Variants in CENPF observed in about 807,000 individuals in gnomAD.
The protein encoded by CENPF is AH antigen.
Under a neutral mutation model 307.3 loss-of-function variants are expected in CENPF, and 214 were observed. That is an observed-to-expected ratio of 0.70 (90% CI 0.62 to 0.78). CENPF has a LOEUF of 0.78. Ranked by LOEUF, CENPF falls within the 30% of genes least tolerant of loss-of-function variation. CENPF has a pLI of 0.00. For missense variants in CENPF, 3,401 were observed against 3,483.9 expected (o/e 0.98, Z 0.60); for synonymous variants, 1,259 against 1,270.6 (o/e 0.99, Z 0.19).
At chr1:214,611,006 T>C (rs1657185220) in intron 1 of CENPF, among the ~76,000 whole-genome samples, 1 of 152,254 alleles carries the variant, frequency 6.6e-6, no homozygotes, top group African/African-American at 2.4e-5. Context: ...TGCGGCTTAT[T>C]TCTGGGCTCT....
intron 1 of CENPF, among the ~76,000 whole-genome samples, chr1:214,608,027 G>C (rs1055323143): frequency 6.6e-6 from 1 of 152,178 alleles, no homozygotes; most frequent in African/African-American, 2.4e-5. Context: ...TGGCATCCAC[G>C]CCCCTGTGAC....
intron 5 of CENPF, 29 bp from the exon 6 acceptor site, chr1:214,620,626 A>C: frequency 1.3e-6 from 2 of 1,571,172 alleles, no homozygotes; most frequent in Non-Finnish European, 1.7e-6. Context: ...AGATCTTTAA[A>C]GGCCTCTAAA....
chr1:214,640,915 CA>C lies in CENPF; in HGVS notation c.2580del (p.Gly861GlufsTer3). Reference protein sequence around the residue: ...QKQCEELVQIKGEIEENLMKA... With the variant: ...QKQCEELVQIXGEIEENLMKA... ...AGCAGTGTGAAGAGTTGGTGCAAAT[CA>C]AAGGAGAAATAGAAGAAAATCTCAT... On this transcript the variant is annotated frameshift_variant, in exon 12 of 20. Transcript: ENST00000366955. LOFTEE classifies it high-confidence loss of function. 6.2e-7 allele frequency: 1 copy of C among 1,607,808 alleles called. No individual in the cohort carries two copies. The highest frequency in any genetic ancestry group is 2.2e-5 in the East Asian group (1 of 44,826).
At chr1:214,638,364 ACTCATTACCATTT>A (rs1477426157) in intron 11 of CENPF, among the ~76,000 whole-genome samples, 1 of 152,072 alleles carries the variant, frequency 6.6e-6, no homozygotes, top group Non-Finnish European at 1.5e-5. Flanking sequence ...TCATCTCCTG[ACTCATTACCATTT>A]CCCTTATAAT....
intron 13 of CENPF, among the ~76,000 whole-genome samples, chr1:214,648,327 G>C (rs1217085295): frequency 6.6e-6 from 1 of 152,082 alleles, no homozygotes; most frequent in African/African-American, 2.4e-5. Context: ...GATTAGTAGA[G>C]ATCCAAGAAG....
At chr1:214,617,900 C>A (rs1487199665) in intron 3 of CENPF, among the ~76,000 whole-genome samples, 1 of 152,156 alleles carries the variant, frequency 6.6e-6, no homozygotes, top group Non-Finnish European at 1.5e-5. Context: ...TCTTTGCTGT[C>A]TGTATTAGTC....
At chr1:214,651,418 A>G (rs963094290) in intron 14 of CENPF, among the ~76,000 whole-genome samples, 3 of 152,182 alleles carry the variant, frequency 2.0e-5, no homozygotes, top group African/African-American at 7.2e-5. Context: ...GGTTGGAAGC[A>G]TAGGAAGGTG....
chr1:214,660,379 C>T (rs73083621), intron 19 of CENPF, among the ~76,000 whole-genome samples: 13,325 of 152,214 alleles, frequency 0.088, 613 homozygotes, highest in South Asian at 0.13. Flanking sequence ...TACTCACATT[C>T]GGATTTAACT....
In CENPF at chr1:214,643,205, A is replaced by G; in HGVS notation, c.4867A>G (p.Lys1623Glu). ...AAGCGTGACTCTGGAGATGGAGTCC[A>G]AGTTGGCGGCAGAAAAGAAACAGAC... is the stretch of plus-strand genomic sequence containing the variant. ...LTSVTLEMES[K>E]LAAEKKQTEQ... is the part of the protein sequence containing the mutation. Residue 1623 changes from lysine to glutamate, a missense_variant, in exon 12 of 20, where the codon AAG becomes GAG. Transcript: ENST00000366955. 1 of 1,603,706 alleles carries G rather than the reference A, an allele frequency of 6.2e-7. No individual in the cohort carries two copies. Among genetic ancestry groups the G allele is most frequent in the Non-Finnish European group, 8.5e-7 (1 of 1,176,930 alleles).
Position 214,640,670 on chromosome 1 carries a change from G to T in CENPF, c.2332G>T (p.Glu778Ter). The T allele has an allele frequency of 6.2e-7, 1 of 1,614,082 alleles. No individual in the cohort carries two copies. Among genetic ancestry groups the T allele is most frequent in the Non-Finnish European group, 8.5e-7 (1 of 1,180,002 alleles). ...CAAAGATGCTTCTCTGGTGACAAATGAAGATCATCAGAGAAGTCTTTTGGC... is the reference window on the plus strand; with the variant it reads ...CAAAGATGCTTCTCTGGTGACAAATTAAGATCATCAGAGAAGTCTTTTGGC... Reference protein sequence around the residue: ...KSKDASLVTNEDHQRSLLAFD... With the variant: ...KSKDASLVTN The change falls in exon 12 of 20, where the codon GAA becomes TAA. Residue 778 changes from glutamate to a stop codon, truncating the protein, a stop_gained. Transcript: ENST00000366955. LOFTEE classifies it high-confidence loss of function.
chr1:214,663,588 C>T lies in CENPF; in HGVS notation c.9142-3C>T. ...ACCTCTAACAGAGATGTTTGTGTTGCAGGTCAAAGTTGCTCAGCGGAGCCC... is the reference window on the plus strand; with the variant it reads ...ACCTCTAACAGAGATGTTTGTGTTGTAGGTCAAAGTTGCTCAGCGGAGCCC... On this transcript the variant is annotated splice_region_variant and splice_polypyrimidine_tract_variant and intron_variant, in intron 19 of 19. Transcript: ENST00000366955. The T allele has an allele frequency of 6.2e-7, 1 of 1,613,824 alleles. No individual in the cohort carries two copies. Among genetic ancestry groups the T allele is most frequent in the South Asian group, 1.1e-5 (1 of 91,022 alleles).
intron 10 of CENPF, 26 bp downstream of exon 10, chr1:214,632,628 C>G (rs1558178855): frequency 1.2e-6 from 2 of 1,610,912 alleles, no homozygotes; most frequent in Non-Finnish European, 1.7e-6. Context: ...GCCGAATTTT[C>G]TCCACTTATG....
intron 12 of CENPF, among the ~76,000 whole-genome samples, chr1:214,643,541 C>T (rs1001899025): frequency 4.6e-5 from 7 of 152,074 alleles, no homozygotes; most frequent in Non-Finnish European, 5.9e-5. Context: ...ATTAGATTTA[C>T]ATAGCATTAT....
chr1:214,610,962 G>T (rs1230087359), intron 1 of CENPF, among the ~76,000 whole-genome samples: 3 of 152,088 alleles, frequency 2.0e-5, no homozygotes, highest in African/African-American at 7.2e-5. Context: ...GTTTGTTTTT[G>T]TCAGCTTTGT....
rs541530734 is a variant in CENPF at position 214,656,826 on chromosome 1, A to G, written c.8486-107A>G. 27 of 806,572 alleles carry G rather than the reference A, an allele frequency of 3.3e-5. No individual in the cohort carries two copies. In the African/African-American group the frequency reaches 4.6e-4, roughly 14 times the overall value. The allele number at this position is 806,572 out of a possible 1,614,324, so 50.0% of individuals were successfully genotyped here. A position where few individuals can be genotyped will look rare whatever the true frequency, so the allele number is the denominator to read the frequency against. On this transcript the variant is annotated intron_variant, in intron 17 of 19. Coordinates refer to ENST00000366955, the MANE Select transcript of CENPF (RefSeq NM_016343.4). ...AGATATATCTCCCCAACCTCTTAAA[A>G]AAAAAAATCAAAGAAAGAACACGTC...
Position 214,664,032 on chromosome 1 carries a change from CT to C in CENPF, c.*239del. 6.8e-6 allele frequency: 3 copies of C among 442,580 alleles called. No individual in the cohort carries two copies. Among genetic ancestry groups the C allele is most frequent in the South Asian group, 4.4e-5 (1 of 22,860 alleles). The allele number at this position is 442,580 out of a possible 1,614,324, so 27.4% of individuals were successfully genotyped here. Reference sequence around the variant, plus strand: ...CTACTGCAATGTAAATAGTATAAAGCTATGTATATAAAGCTTTTTGGTAATA... The same window carrying C: ...CTACTGCAATGTAAATAGTATAAAGCATGTATATAAAGCTTTTTGGTAATA... On this transcript the variant is annotated 3_prime_UTR_variant, in exon 20 of 20. Coordinates refer to ENST00000366955, the MANE Select transcript of CENPF (RefSeq NM_016343.4).
intron 7 of CENPF, among the ~76,000 whole-genome samples, chr1:214,626,914 T>C (rs1657670315): frequency 6.6e-6 from 1 of 152,218 alleles, no homozygotes. Flanking sequence ...CCTTTTACAC[T>C]TTACTTATTT....
chr1:214,633,462 T>C (rs1384665307), intron 10 of CENPF, among the ~76,000 whole-genome samples: 1 of 152,256 alleles, frequency 6.6e-6, no homozygotes, highest in Non-Finnish European at 1.5e-5. Context: ...AAATTTCTTC[T>C]CCATCAAACC....
chr1:214,642,250 G>A lies in CENPF; in HGVS notation c.3912G>A (p.Glu1304=), dbSNP rs142263675. The change falls in exon 12 of 20, where the codon GAG becomes GAA. Residue 1304 remains glutamate, a synonymous_variant. Coordinates refer to ENST00000366955, the MANE Select transcript of CENPF (RefSeq NM_016343.4). ...CAATGAACAAGCTGAATGAGCTAGA[G>A]AAAATATGTGAAATACTGCAGGCTG... is the stretch of plus-strand genomic sequence containing the variant. ...QTTMNKLNEL[E]KICEILQAEK... 9 of 1,613,826 alleles carry A rather than the reference G, an allele frequency of 5.6e-6. No individual in the cohort carries two copies. In the African/African-American group the frequency reaches 1.2e-4, roughly 22 times the overall value.
Sources: gnomAD v4.1 joint callset for allele counts (sites outside exome capture counted in the v4.1 genomes callset) on GRCh38, gnomAD v4.1.1 for gene constraint, MANE v1.5 for transcripts, NCBI Gene and HGNC (gene_info 2026-07-23, HGNC 2026-07-21) for gene names.